ST3GAL3: variants seen among roughly 807,000 people sequenced by gnomAD.
ST3GAL3 encodes the protein CMP-N-acetylneuraminate-beta-1,4-galactoside alpha-2,3-sialyltransferase.
ST3GAL3 carries 21 observed loss-of-function variants against 50.1 expected under a neutral mutation model. The observed-to-expected ratio is 0.42, with a 90% CI of 0.30 to 0.60. The LOEUF (loss-of-function observed/expected upper bound fraction) is 0.60. Ranked by LOEUF, ST3GAL3 falls within the 20% of genes least tolerant of loss-of-function variation. The pLI, the probability that ST3GAL3 is intolerant of heterozygous loss-of-function variation, is 0.19. For synonymous variants in ST3GAL3, 183 were observed against 190.0 expected (o/e 0.96, Z 0.30); for missense variants, 353 against 489.4 (o/e 0.72, Z 2.63).
intron 4 of ST3GAL3, among the ~76,000 whole-genome samples, chr1:43,818,923 C>A (rs2061738842): frequency 2.0e-5 from 3 of 152,172 alleles, no homozygotes; most frequent in Admixed American, 2.0e-4. Context: ...TTGGCGAACT[C>A]TTTTGGCAAA....
intron 3 of ST3GAL3, among the ~76,000 whole-genome samples, chr1:43,809,662 A>G (rs1403194039): frequency 1.3e-5 from 2 of 151,652 alleles, no homozygotes; most frequent in African/African-American, 2.4e-5. Context: ...GTGCCACCAC[A>G]CTCCAGGCTG....
chr1:43,928,007 A>G (rs115134906), intron 11 of ST3GAL3, among the ~76,000 whole-genome samples: 1,698 of 152,312 alleles, frequency 0.011, 35 homozygotes, highest in African/African-American at 0.039. Flanking sequence ...GAGAAGAGGA[A>G]TATTGGGAAT....
chr1:43,801,550 G>A (rs2154162661), intron 3 of ST3GAL3: 1 of 354,392 alleles, frequency 2.8e-6, no homozygotes, highest in Middle Eastern at 7.6e-4. Context: ...ATGTAGGTAG[G>A]AAGTAATACT....
intron 2 of ST3GAL3, among the ~76,000 whole-genome samples, chr1:43,758,644 T>G (rs890037116): frequency 9.9e-5 from 15 of 152,192 alleles, no homozygotes; most frequent in African/African-American, 3.4e-4. Context: ...TTGATAAACT[T>G]AGACTTTTTT....
chr1:43,744,118 GT>G (rs956506611), intron 2 of ST3GAL3, among the ~76,000 whole-genome samples: 2 of 151,974 alleles, frequency 1.3e-5, no homozygotes, highest in African/African-American at 4.8e-5. Flanking sequence ...GAATTTTAAT[GT>G]TTTTTATTTA....
intron 3 of ST3GAL3, among the ~76,000 whole-genome samples, chr1:43,808,832 G>A (rs1321287076): frequency 6.6e-6 from 1 of 152,176 alleles, no homozygotes; most frequent in Non-Finnish European, 1.5e-5. Flanking sequence ...GAAGGGGGCA[G>A]CCAGGATAAT....
At chr1:43,799,724 C>G (rs1223602292) in intron 3 of ST3GAL3, 1 of 152,124 alleles carries the variant, frequency 6.6e-6, no homozygotes, top group Non-Finnish European at 1.5e-5. Flanking sequence ...AGTATTTATG[C>G]CCTATCTATC....
At chr1:43,927,846 G>A (rs1031048825) in intron 11 of ST3GAL3, among the ~76,000 whole-genome samples, 5 of 152,146 alleles carry the variant, frequency 3.3e-5, no homozygotes, top group Non-Finnish European at 4.4e-5. Context: ...GAGGGACAAC[G>A]GGGTGTAAGG....
intron 5 of ST3GAL3, among the ~76,000 whole-genome samples, chr1:43,880,176 A>G (rs904930544): frequency 4.6e-5 from 7 of 152,202 alleles, no homozygotes; most frequent in African/African-American, 1.7e-4. Flanking sequence ...TAGGGGTGCC[A>G]CAAAGTCTGC....
At chr1:43,722,979 C>G (rs768433756) in intron 1 of ST3GAL3, among the ~76,000 whole-genome samples, 3 of 152,050 alleles carry the variant, frequency 2.0e-5, no homozygotes, top group Non-Finnish European at 4.4e-5. Context: ...GAGGTGGAGC[C>G]TAGTGGGAGG....
intron 5 of ST3GAL3, among the ~76,000 whole-genome samples, chr1:43,845,096 G>T (rs1241844383): frequency 4.6e-5 from 7 of 152,036 alleles, no homozygotes; most frequent in Admixed American, 4.6e-4. Flanking sequence ...CAATTCTTGT[G>T]CCTCAGCCTC....
chr1:43,848,966 T>G (rs2066780689), intron 5 of ST3GAL3, among the ~76,000 whole-genome samples: 1 of 152,170 alleles, frequency 6.6e-6, no homozygotes, highest in Non-Finnish European at 1.5e-5. Context: ...AAATACTGTG[T>G]TTTTAATCTC....
At chr1:43,765,784 T>C (rs12131706) in intron 2 of ST3GAL3, among the ~76,000 whole-genome samples, 29,006 of 136,330 alleles carry the variant, frequency 0.21, 3,143 homozygotes, top group Non-Finnish European at 0.25. Context: ...TGTGTGTGTG[T>C]GCGCGCGCGC....
intron 2 of ST3GAL3, among the ~76,000 whole-genome samples, chr1:43,783,515 G>T (rs1558281660): frequency 6.6e-6 from 1 of 152,184 alleles, no homozygotes; most frequent in Non-Finnish European, 1.5e-5. Context: ...GTTTCAGACT[G>T]TGCCCTATTC....
chr1:43,911,994 C>T (rs1336198212), intron 9 of ST3GAL3: 1 of 152,156 alleles, frequency 6.6e-6, no homozygotes, highest in Non-Finnish European at 1.5e-5. Context: ...TGCCTCATAA[C>T]TTTCAGATAT....
At chr1:43,909,803 T>C (rs2080477045) in intron 9 of ST3GAL3, among the ~76,000 whole-genome samples, 1 of 152,196 alleles carries the variant, frequency 6.6e-6, no homozygotes. Flanking sequence ...AGAAAGCCAT[T>C]AGAATCCCAG....
chr1:43,930,710 T>C lies in ST3GAL3; in HGVS notation c.*489T>C. 3.9e-6 allele frequency: 1 copy of C among 255,532 alleles called. No individual in the cohort carries two copies. The highest frequency in any genetic ancestry group is 7.8e-6 in the Non-Finnish European group (1 of 128,272). The allele number at this position is 255,532 out of a possible 1,614,324, so 15.8% of individuals were successfully genotyped here. A position where few individuals can be genotyped will look rare whatever the true frequency, so the allele number is the denominator to read the frequency against. ...TGGGGCAGGAGTGCCAGGACCAGCC[T>C]GTACCTTGCTGTGGGGCTACAGGAT... On this transcript the variant is annotated 3_prime_UTR_variant, in exon 12 of 12. Coordinates refer to ENST00000347631, the MANE Select transcript of ST3GAL3 (RefSeq NM_006279.5).
chr1:43,913,603 G>C (rs2081304303), intron 9 of ST3GAL3: 1 of 152,064 alleles, frequency 6.6e-6, no homozygotes, highest in African/African-American at 2.4e-5. Flanking sequence ...TTTTGTGGCT[G>C]GGGAAACACG....
chr1:43,921,858 A>G (rs974261825), intron 11 of ST3GAL3: 11 of 398,190 alleles, frequency 2.8e-5, no homozygotes, highest in Non-Finnish European at 8.8e-6. Flanking sequence ...GGCTCCCCTC[A>G]CACCTGACCC....
Sources: allele counts gnomAD v4.1 joint callset (sites outside exome capture counted in the v4.1 genomes callset), GRCh38; gene constraint gnomAD v4.1.1; transcripts MANE v1.5; gene names NCBI Gene and HGNC (gene_info 2026-07-23, HGNC 2026-07-21).